The following PDE2A variants were observed in gnomAD, a reference collection of about 807,000 sequenced individuals.
The protein encoded by PDE2A is phosphodiesterase 2A.
PDE2A carries 53 observed loss-of-function variants against 133.6 expected under a neutral mutation model. The observed-to-expected ratio is 0.40, with a 90% CI of 0.32 to 0.50. The LOEUF is 0.50. PDE2A is among the 20% of genes least tolerant of loss of function. The pLI is 0.73. For synonymous variants in PDE2A, 491 were observed against 490.2 expected (o/e 1.00, Z -0.02); for missense variants, 796 against 1,232.4 (o/e 0.65, Z 5.30).
Position 72,596,635 on chromosome 11 carries a change from C to A in PDE2A, c.447G>T (p.Pro149=). Residue 149 remains proline (P), a synonymous_variant, in exon 6 of 31, where the codon CCG becomes CCT. Coordinates refer to ENST00000334456, the MANE Select transcript of PDE2A (RefSeq NM_002599.5). The stretch of plus-strand genomic sequence containing the variant: ...CGGCCCCAGCCTCCTTGTCCGCTAG[C>A]GGCATGACCAGCACTGAGGGGGAGA... ...LAPDTQVLVM[P]LADKEAGAVA... 6.6e-7 allele frequency: 1 copy of A among 1,512,384 alleles called. No homozygotes were observed. Among genetic ancestry groups the A allele is most frequent in the Non-Finnish European group, 8.9e-7 (1 of 1,122,554 alleles). The allele number at this position is 1,512,384 out of a possible 1,614,324, so 93.7% of individuals were successfully genotyped here. A position where few individuals can be genotyped will look rare whatever the true frequency, so the allele number is the denominator to read the frequency against.
At chr11:72,587,164 C>T (rs341049) in intron 13 of PDE2A, among the ~76,000 whole-genome samples, 78,573 of 151,996 alleles carry the variant, frequency 0.52, 20,946 homozygotes, top group East Asian at 0.75. Flanking sequence ...AAATGAGCTT[C>T]GAGTCTTATG....
intron 1 of PDE2A, among the ~76,000 whole-genome samples, chr11:72,664,595 G>C (rs1271591634): frequency 2.0e-5 from 3 of 151,294 alleles, no homozygotes; most frequent in South Asian, 2.1e-4. Flanking sequence ...GGATGGTCTC[G>C]ATCTCCTGAC....
chr11:72,642,226 C>G, intron 2 of PDE2A, 28 bp downstream of exon 2: 2 of 1,474,540 alleles, frequency 1.4e-6, no homozygotes, highest in South Asian at 1.4e-5. Context: ...CCCCGTTCTC[C>G]TGGTGCCCAG....
rs1204247382 is a variant in PDE2A, at chr11:72,581,769, C to T, written c.1922+108G>A. ...CCTCCCCACCCCCATAAGACTGGGT[C>T]TCCCCAGTCATCCTTAGAGAGATCC... On this transcript the variant is annotated intron_variant, in intron 22 of 30. Coordinates refer to ENST00000334456, the MANE Select transcript of PDE2A (RefSeq NM_002599.5). 5 of 1,059,470 alleles carry T rather than the reference C, an allele frequency of 4.7e-6. No individual in the cohort carries two copies. The East Asian group carries it at 9.6e-5, about 20-fold the overall frequency. 65.6% of individuals were successfully genotyped at this position (1,059,470 alleles called of 1,614,324 possible).
chr11:72,668,980 C>T (rs1482589624), intron 1 of PDE2A: 28 of 1,002,080 alleles, frequency 2.8e-5, no homozygotes, highest in African/African-American at 3.5e-5. Context: ...TGTGGCTGAT[C>T]GTGGGTGGTT....
At chr11:72,622,848 T>C (rs1857848207) in intron 2 of PDE2A, among the ~76,000 whole-genome samples, 1 of 152,194 alleles carries the variant, frequency 6.6e-6, no homozygotes, top group Non-Finnish European at 1.5e-5. Flanking sequence ...TTAAGTTATG[T>C]ATATTTTACC....
Position 72,624,193 on chromosome 11 carries a change from G to A in PDE2A, c.145-15442C>T, listed in dbSNP as rs113856319. Among the ~76,000 whole-genome samples the A allele has an allele frequency of 7.5e-3, 1,136 of 152,010 alleles. 13 individuals are homozygous for A. The highest frequency in any genetic ancestry group is 0.026 in the African/African-American group (1,071 of 41,450). On this transcript the variant is annotated intron_variant, in intron 2 of 30. Transcript: ENST00000334456. Reference sequence around the variant, plus strand: ...TTTTAGTAGAGATGGGGTTTCACCAGACTGGTCTTGAACTCCTGACCTCAG... The same window carrying A: ...TTTTAGTAGAGATGGGGTTTCACCAAACTGGTCTTGAACTCCTGACCTCAG...
At chr11:72,621,290 C>T (rs2135396331) in intron 2 of PDE2A, among the ~76,000 whole-genome samples, 1 of 152,290 alleles carries the variant, frequency 6.6e-6, no homozygotes, top group South Asian at 2.1e-4. Flanking sequence ...TGTTCCCATT[C>T]AGTGTTTCTC....
rs377128838 is a variant in PDE2A at position 72,581,928 on chromosome 11, T to C, written c.1871A>G (p.Gln624Arg). 2 of 1,613,968 alleles carry C rather than the reference T, an allele frequency of 1.2e-6. No individual in the cohort carries two copies. The highest frequency in any genetic ancestry group is 2.7e-5 in the African/African-American group (2 of 74,914). ...GTAGTTGTTGATGAAATTCATGTCC[T>C]GCAGCATGCTCAGGATGGCCTGGAG... ...DTSMAILSML[Q>R]DMNFINNYKI... The change falls in exon 22 of 31, where the codon CAG becomes CGG. Residue 624 changes from glutamine to arginine, a missense_variant. Transcript: ENST00000334456.
At chr11:72,607,451 C>T (rs569687389) in intron 3 of PDE2A, among the ~76,000 whole-genome samples, 4 of 152,276 alleles carry the variant, frequency 2.6e-5, no homozygotes, top group East Asian at 1.9e-4. Flanking sequence ...GCCTTAGTCC[C>T]GTCCTTCTCC....
intron 4 of PDE2A, chr11:72,598,402 C>A: frequency 2.5e-6 from 2 of 813,756 alleles, no homozygotes; most frequent in Non-Finnish European, 3.5e-6. Context: ...GTGGTGGGAA[C>A]CAAGGCAGGG....
intron 2 of PDE2A, among the ~76,000 whole-genome samples, chr11:72,625,706 C>G (rs1196405046): frequency 6.6e-6 from 1 of 152,150 alleles, no homozygotes; most frequent in Non-Finnish European, 1.5e-5. Context: ...GCTCCCACCT[C>G]TCCCTCAGCC....
intron 20 of PDE2A, 93 bp downstream of exon 20, chr11:72,583,345 C>T: frequency 1.1e-6 from 1 of 905,802 alleles, no homozygotes; most frequent in Admixed American, 1.8e-5. Context: ...GGCCTATCCT[C>T]TCATCCTCAG....
At chr11:72,627,932 G>A (rs1023928461) in intron 2 of PDE2A, among the ~76,000 whole-genome samples, 2 of 152,228 alleles carry the variant, frequency 1.3e-5, no homozygotes, top group Non-Finnish European at 1.5e-5. Flanking sequence ...AGGCTGAGCT[G>A]GAAGAGCCCC....
chr11:72,579,151 TG>T lies in PDE2A; in HGVS notation c.2356+132del, dbSNP rs528135813. The stretch of plus-strand genomic sequence containing the variant: ...CCAAGGGGCCAGTGCTGGGTCTGCC[TG>T]GGGGGGGCCGTGCAGCCAGAGAAGG... On this transcript the variant is annotated intron_variant, in intron 27 of 30. Coordinates refer to ENST00000334456, the MANE Select transcript of PDE2A (RefSeq NM_002599.5). 4,511 of 944,500 alleles carry T rather than the reference TG, an allele frequency of 4.8e-3. 27 individuals are homozygous for T. Among genetic ancestry groups the T allele is most frequent in the South Asian group, 0.017 (1,183 of 71,588 alleles). The allele number at this position is 944,500 out of a possible 1,614,324, so 58.5% of individuals were successfully genotyped here. A position where few individuals can be genotyped will look rare whatever the true frequency, so the allele number is the denominator to read the frequency against.
chr11:72,596,256 G>A (rs1052276734), intron 6 of PDE2A, among the ~76,000 whole-genome samples: 4 of 152,062 alleles, frequency 2.6e-5, no homozygotes, highest in Admixed American at 6.6e-5. Flanking sequence ...TGCTGCGTAC[G>A]CCAAAGGCTG....
intron 2 of PDE2A, among the ~76,000 whole-genome samples, chr11:72,635,348 T>C (rs1858626974): frequency 6.6e-6 from 1 of 152,196 alleles, no homozygotes; most frequent in Admixed American, 6.5e-5. Context: ...TCTTGTTATG[T>C]TTTTAATAAC....
At chr11:72,579,491 C>T (rs988554866) in intron 26 of PDE2A, 43 bp downstream of exon 26, 5 of 1,567,904 alleles carry the variant, frequency 3.2e-6, no homozygotes, top group Admixed American at 3.7e-5. Context: ...CCAGCCAGCT[C>T]CCAGCTCCCC....
chr11:72,665,282 G>C (rs189794231), intron 1 of PDE2A, among the ~76,000 whole-genome samples: 3 of 151,918 alleles, frequency 2.0e-5, no homozygotes, highest in African/African-American at 7.3e-5. Flanking sequence ...TCCCACCCTA[G>C]AGCCCTGCAT....
Sources: allele counts gnomAD v4.1 joint callset (sites outside exome capture counted in the v4.1 genomes callset), GRCh38; gene constraint gnomAD v4.1.1; transcripts MANE v1.5; gene names NCBI Gene and HGNC (gene_info 2026-07-23, HGNC 2026-07-21).